The following GALNT16 variants were observed in gnomAD, a reference collection of about 807,000 sequenced individuals.
GALNT16 encodes the protein UDP-GalNAc:polypeptide N-acetylgalactosaminyltransferase-like protein 1.
GALNT16 carries 40 observed loss-of-function variants against 76.1 expected under a neutral mutation model. The observed-to-expected ratio is 0.53, with a 90% confidence interval of 0.41 to 0.68. GALNT16 has a LOEUF of 0.68. GALNT16 is among the 30% of genes least tolerant of loss of function. GALNT16 has a pLI of 0.00. For synonymous variants in GALNT16, 276 were observed against 285.2 expected (o/e 0.97, Z 0.32); for missense variants, 621 against 731.9 (o/e 0.85, Z 1.75).
In GALNT16 at chr14:69,333,394, A is replaced by T; in HGVS notation, c.864-103A>T. Reference sequence around the variant, plus strand: ...AGACATCCTGCCCCAGTGACTCTGCAGGGAGGGATCTAGAGGCAGACGGTC... The same window carrying T: ...AGACATCCTGCCCCAGTGACTCTGCTGGGAGGGATCTAGAGGCAGACGGTC... On this transcript the variant is annotated intron_variant, in intron 8 of 14. Coordinates refer to ENST00000448469, the MANE Select transcript of GALNT16 (RefSeq NM_001168368.2). This position sits in a 1 kb window ranked among gnomAD's most constrained non-coding sequence, Gnocchi z 4.2. The T allele has an allele frequency of 1.3e-6, 1 of 762,810 alleles. No individual in the cohort carries two copies. Among genetic ancestry groups the T allele is most frequent in the Non-Finnish European group, 2.3e-6 (1 of 435,326 alleles). The allele number at this position is 762,810 out of a possible 1,614,324, so 47.3% of individuals were successfully genotyped here. A position where few individuals can be genotyped will look rare whatever the true frequency, so the allele number is the denominator to read the frequency against.
chr14:69,275,610 A>G (rs2044462016), intron 1 of GALNT16, among the ~76,000 whole-genome samples: 1 of 152,232 alleles, frequency 6.6e-6, no homozygotes, highest in African/African-American at 2.4e-5. Flanking sequence ...TAATCCCAGC[A>G]CTTGGGGAGA....
the GALNT16 span, among the ~76,000 whole-genome samples, chr14:69,384,607 A>G: frequency 6.6e-6 from 1 of 152,228 alleles, no homozygotes; most frequent in African/African-American, 2.4e-5. Flanking sequence ...ATAAAACCAT[A>G]AAGACAACCA....
At chr14:69,293,035 T>G (rs1456622639) in intron 1 of GALNT16, among the ~76,000 whole-genome samples, 3 of 152,236 alleles carry the variant, frequency 2.0e-5, no homozygotes, top group Non-Finnish European at 4.4e-5. Context: ...TGCTGAGCAC[T>G]CTGCACATAT....
chr14:69,340,996 T>A (rs1594864651), intron 11 of GALNT16, among the ~76,000 whole-genome samples: 4 of 152,148 alleles, frequency 2.6e-5, no homozygotes, highest in Non-Finnish European at 5.9e-5. Context: ...TCTATCTCCC[T>A]TTTTTTGAAA....
intron 1 of GALNT16, among the ~76,000 whole-genome samples, chr14:69,312,831 G>A (rs889570100): frequency 3.9e-5 from 6 of 152,240 alleles, no homozygotes; most frequent in Admixed American, 6.5e-5. Context: ...GCTGTGTGCC[G>A]GGCACCAGAG....
chr14:69,268,531 A>C (rs1339949870), intron 1 of GALNT16, among the ~76,000 whole-genome samples: 1 of 152,114 alleles, frequency 6.6e-6, no homozygotes, highest in Non-Finnish European at 1.5e-5. Flanking sequence ...CCACACACAC[A>C]CAGGGTCCGA....
chr14:69,342,474 A>AAGGGAGGGAGGAAGGCAGGGAGGG (rs2045501810), intron 12 of GALNT16, among the ~76,000 whole-genome samples: 1 of 31,490 alleles, frequency 3.2e-5, no homozygotes, highest in African/African-American at 1.2e-4. Context: ...AGAAGGAAGG[A>AAGGGAGGGAGGAAGGCAGGGAGGG]AGGGAGGGAG....
intron 1 of GALNT16, 183 bp downstream of exon 1, chr14:69,260,650 G>C: frequency 3.0e-6 from 1 of 333,554 alleles, no homozygotes; most frequent in Admixed American, 5.2e-5. Flanking sequence ...GGCGGGGCTG[G>C]GGCGCACCGA....
the GALNT16 span, among the ~76,000 whole-genome samples, chr14:69,366,894 A>G: frequency 6.6e-6 from 1 of 152,228 alleles, no homozygotes; most frequent in African/African-American, 2.4e-5. Context: ...TCACACCAAC[A>G]GTCCCACACA....
At chr14:69,383,348 C>T in the GALNT16 span, among the ~76,000 whole-genome samples, 2 of 152,110 alleles carry the variant, frequency 1.3e-5, no homozygotes, top group Non-Finnish European at 2.9e-5. Flanking sequence ...TAAAAAAGTC[C>T]TAGGTCACTG....
At chr14:69,382,334 G>A in the GALNT16 span, among the ~76,000 whole-genome samples, 1 of 152,086 alleles carries the variant, frequency 6.6e-6, no homozygotes, top group Non-Finnish European at 1.5e-5. Flanking sequence ...AATTAAATAA[G>A]CTCTAAGCTA....
downstream of GALNT16, chr14:69,356,644 C>T (rs2045695826): frequency 6.8e-6 from 1 of 147,908 alleles, no homozygotes; most frequent in Non-Finnish European, 1.5e-5. Context: ...CAAGCTCTGC[C>T]TCCTGGGTTC....
chr14:69,367,267 C>G, the GALNT16 span, among the ~76,000 whole-genome samples: 1 of 151,956 alleles, frequency 6.6e-6, no homozygotes, highest in African/African-American at 2.4e-5. Context: ...GTGCTCCACC[C>G]CCGCAAACTC....
At chr14:69,263,029 G>A (rs1046835730) in intron 1 of GALNT16, among the ~76,000 whole-genome samples, 6 of 151,930 alleles carry the variant, frequency 3.9e-5, no homozygotes, top group East Asian at 3.9e-4. Flanking sequence ...ACAGGCATGC[G>A]CCACCACTCT....
chr14:69,333,499 CGCCTGTCATA>C lies in GALNT16; in HGVS notation c.869_878del (p.Pro290LeufsTer6). On this transcript the variant is annotated frameshift_variant, in exon 9 of 15. Coordinates refer to ENST00000448469, the MANE Select transcript of GALNT16 (RefSeq NM_001168368.2). LOFTEE classifies it high-confidence loss of function. This position sits in a 1 kb window ranked among gnomAD's most constrained non-coding sequence, Gnocchi z 4.2. ...GTCTTCCCTCTCCTTGCTCCCAGGA[CGCCTGTCATA>C]GCTGGAGGAATCTTCGTGATCGACA... 6.2e-7 allele frequency: 1 copy of C among 1,600,454 alleles called. No homozygotes were observed. The highest frequency in any genetic ancestry group is 2.2e-5 in the East Asian group (1 of 44,790).
At chr14:69,371,941 C>CA in the GALNT16 span, among the ~76,000 whole-genome samples, 17 of 150,778 alleles carry the variant, frequency 1.1e-4, no homozygotes, top group African/African-American at 3.9e-4. Flanking sequence ...AAGACTGTCT[C>CA]AAAAAAAATA....
intron 1 of GALNT16, among the ~76,000 whole-genome samples, chr14:69,298,873 T>G (rs1352659140): frequency 6.6e-6 from 1 of 152,184 alleles, no homozygotes; most frequent in Non-Finnish European, 1.5e-5. Context: ...CCTGCAGAGG[T>G]AGGCCCAGCC....
chr14:69,334,830 C>T (rs996322439), intron 9 of GALNT16, among the ~76,000 whole-genome samples: 1 of 152,062 alleles, frequency 6.6e-6, no homozygotes, highest in African/African-American at 2.4e-5. Context: ...TCACAAACAG[C>T]GACGTGGAGA....
rs763996589 is a variant in GALNT16, at chr14:69,332,826, C to CTTT, written c.779-244_779-242dup. Among the ~76,000 whole-genome samples, 124 of 115,992 alleles carry CTTT rather than the reference C, an allele frequency of 1.1e-3. 1 individual carries two copies. Among genetic ancestry groups the CTTT allele is most frequent in the African/African-American group, 3.3e-3 (112 of 34,304 alleles). 76.1% of individuals were successfully genotyped at this position (115,992 alleles called of 152,430 possible). A position where few individuals can be genotyped will look rare whatever the true frequency, so the allele number is the denominator to read the frequency against. ...ATGGGCACTCCTTCTTTGTTTTCTT[C>CTTT]TTTTTTTTTTTTTTTTTAGTACTTT... On this transcript the variant is annotated intron_variant, in intron 7 of 14. Transcript: ENST00000448469.
Sources: gnomAD v4.1 joint callset for allele counts (sites outside exome capture counted in the v4.1 genomes callset) on GRCh38, gnomAD v4.1.1 for gene constraint, Gnocchi (gnomAD v3.1) non-coding constraint, MANE v1.5 for transcripts, NCBI Gene and HGNC (gene_info 2026-07-23, HGNC 2026-07-21) for gene names.